GUCY2F: variants seen among roughly 807,000 people sequenced by gnomAD.
GUCY2F encodes guanylate cyclase 2F, retinal, also known as retinal guanylyl cyclase 2.
GUCY2F carries 61 observed loss-of-function variants against 73.1 expected under a neutral mutation model. The ratio of observed to expected loss-of-function variants is 0.83; its 90% confidence interval spans 0.68 to 1.03. GUCY2F has a LOEUF of 1.03. Among genes scored for constraint, GUCY2F ranks in the 50% least tolerant of loss-of-function variants. The pLI, the probability that GUCY2F is intolerant of heterozygous loss-of-function variation, is 0.00. For missense variants in GUCY2F, 912 were observed against 854.3 expected (o/e 1.07, Z -0.84); for synonymous variants, 331 against 307.8 (o/e 1.08, Z -0.79).
intron 13 of GUCY2F, among the ~76,000 whole-genome samples, chrX:109,392,482 G>A (rs1930590216): frequency 8.9e-6 from 1 of 111,783 alleles, no homozygotes; most frequent in African/African-American, 3.3e-5. Context: ...AATAAGTAAG[G>A]TGCCCTGGAA....
At chrX:109,437,458 C>G (rs1931777642) in intron 7 of GUCY2F, among the ~76,000 whole-genome samples, 1 of 112,421 alleles carries the variant, frequency 8.9e-6, no homozygotes, top group South Asian at 3.7e-4. Context: ...TTTTCCCCTT[C>G]TCAATTCTAC....
At chrX:109,446,989 A>C (rs1005718617) in intron 6 of GUCY2F, among the ~76,000 whole-genome samples, 6 of 112,607 alleles carry the variant, frequency 5.3e-5, no homozygotes, top group African/African-American at 1.9e-4. Context: ...ACTTCTCAAA[A>C]GAAGACATTT....
At chrX:109,468,068 T>C (rs751326958) in intron 2 of GUCY2F, among the ~76,000 whole-genome samples, 2 of 111,519 alleles carry the variant, frequency 1.8e-5, no homozygotes, top group Admixed American at 1.9e-4. Context: ...GCACTGCAGT[T>C]CAGTTCTCTC....
intron 19 of GUCY2F, among the ~76,000 whole-genome samples, chrX:109,373,900 C>A (rs1359342577): frequency 9.0e-6 from 1 of 111,585 alleles, no homozygotes; most frequent in African/African-American, 3.3e-5. Flanking sequence ...ACGTGTAGGG[C>A]CCTGCTTCAG....
At chrX:109,463,842 G>A (rs1932413859) in intron 3 of GUCY2F, among the ~76,000 whole-genome samples, 1 of 111,624 alleles carries the variant, frequency 9.0e-6, no homozygotes, top group Admixed American at 9.5e-5. Context: ...AGCCACCTTG[G>A]GACCATAAGA....
intron 6 of GUCY2F, among the ~76,000 whole-genome samples, chrX:109,443,437 G>T (rs1389625683): frequency 9.0e-6 from 1 of 111,065 alleles, no homozygotes; most frequent in Admixed American, 9.6e-5. Flanking sequence ...GGTAAAAAGT[G>T]ATGACTTTTT....
chrX:109,452,346 T>A (rs1005159856), intron 4 of GUCY2F, among the ~76,000 whole-genome samples: 3 of 112,178 alleles, frequency 2.7e-5, no homozygotes, highest in African/African-American at 9.7e-5. Context: ...TCACATGAAT[T>A]AAGGCTGACC....
intron 8 of GUCY2F, among the ~76,000 whole-genome samples, chrX:109,411,405 C>G (rs1231397228): frequency 9.0e-6 from 1 of 111,413 alleles, no homozygotes; most frequent in Non-Finnish European, 1.9e-5. Flanking sequence ...AGGTAAGATT[C>G]ATGGTATAAC....
At chrX:109,460,242 C>T (rs1255941247) in intron 3 of GUCY2F, among the ~76,000 whole-genome samples, 1 of 111,729 alleles carries the variant, frequency 9.0e-6, no homozygotes, top group Non-Finnish European at 1.9e-5. Context: ...AAGAAAATTT[C>T]TCAGAAGGAA....
At chrX:109,480,948 G>A (rs1479480978) in intron 1 of GUCY2F, among the ~76,000 whole-genome samples, 1 of 100,833 alleles carries the variant, frequency 9.9e-6, no homozygotes, top group Non-Finnish European at 2.0e-5. Flanking sequence ...GAAGAGAGAA[G>A]GAAGGAAAAG....
rs1409693372 is a variant in GUCY2F at position 109,453,797 on chromosome X, A to G, written c.1095T>C (p.Asn365=). The stretch of plus-strand genomic sequence containing the variant: ...CAGCCTGTCCATTTTCTTTCATAGC[A>G]TTATTCATGGCTTGTGCGATAAAGT... The part of the protein sequence containing the change: ...SIYFIAQAMN[N]AMKENGQAGA... The change falls in exon 4 of 20, where the codon AAT becomes AAC. Residue 365 remains asparagine, a synonymous_variant. Coordinates refer to ENST00000218006, the MANE Select transcript of GUCY2F (RefSeq NM_001522.3). 4.1e-6 allele frequency: 5 copies of G among 1,205,508 alleles called. No homozygotes were observed. The East Asian group carries it at 1.5e-4, about 36-fold the overall frequency.
At chrX:109,445,862 T>C (rs1931993294) in intron 6 of GUCY2F, among the ~76,000 whole-genome samples, 1 of 111,811 alleles carries the variant, frequency 8.9e-6, no homozygotes, top group Non-Finnish European at 1.9e-5. Flanking sequence ...CATGATTGTA[T>C]ATTTAGAAAA....
At chrX:109,436,812 C>A in intron 7 of GUCY2F, among the ~76,000 whole-genome samples, 1 of 109,204 alleles carries the variant, frequency 9.2e-6, no homozygotes. Context: ...GGAGGGATAG[C>A]ATTAGGAGAT....
At chrX:109,448,468 C>T (rs1173475388) in intron 5 of GUCY2F, among the ~76,000 whole-genome samples, 1 of 112,348 alleles carries the variant, frequency 8.9e-6, no homozygotes, top group Admixed American at 9.4e-5. Flanking sequence ...GGTGATCCCA[C>T]ATCAAGGACA....
At chrX:109,403,876 G>A (rs898138741) in intron 10 of GUCY2F, among the ~76,000 whole-genome samples, 2 of 112,492 alleles carry the variant, frequency 1.8e-5, no homozygotes, top group African/African-American at 3.2e-5. Context: ...AAACCACAGA[G>A]CATTTATTTG....
chrX:109,395,427 C>A lies in GUCY2F; in HGVS notation c.2338G>T (p.Ala780Ser). ...ATCAGCTGGAGACATTCTGGAGGGGCATGCTCAGGAGGAACTACTGGTCTG... is the reference window on the plus strand; with the variant it reads ...ATCAGCTGGAGACATTCTGGAGGGGAATGCTCAGGAGGAACTACTGGTCTG... ...VYRPVVPPEH[A>S]PPECLQLMKQ... The change falls in exon 12 of 20, where the codon GCC becomes TCC. Residue 780 changes from alanine to serine, a missense_variant. Ala to Ser is a moderately conservative substitution (Grantham distance 99). Transcript: ENST00000218006. 1 of 1,197,732 alleles carries A rather than the reference C, an allele frequency of 8.3e-7. No homozygotes were observed. Among genetic ancestry groups the A allele is most frequent in the Non-Finnish European group, 1.1e-6 (1 of 882,663 alleles).
rs145757579 is a variant in GUCY2F at position 109,386,408 on chromosome X, T to C, written c.2957-1126A>G. 3.5e-3 allele frequency among the ~76,000 whole-genome samples: 389 copies of C among 111,083 alleles called. 3 individuals are homozygous for C. Among genetic ancestry groups the C allele is most frequent in the African/African-American group, 0.012 (379 of 30,549 alleles). ...GGATTTGAACAGTGGAAAAGGGACA[T>C]AAATCAAAGGCTTGTGGTTGGGATT... On this transcript the variant is annotated intron_variant, in intron 15 of 19. Transcript: ENST00000218006.
In GUCY2F at chrX:109,386,617, AG is replaced by A. The variant is rs760665301; in HGVS notation, c.2957-1336del. On this transcript the variant is annotated intron_variant, in intron 15 of 19. Transcript: ENST00000218006. Reference sequence around the variant, plus strand: ...AGATCAGTGTATAAAATGCATTGAAAGGGGAAAATGTAAAACCAGGAAAACC... The same window carrying A: ...AGATCAGTGTATAAAATGCATTGAAAGGGAAAATGTAAAACCAGGAAAACC... 8.0e-5 allele frequency among the ~76,000 whole-genome samples: 9 copies of A among 111,934 alleles called. No homozygotes were observed. In the East Asian group the frequency reaches 2.5e-3, roughly 31 times the overall value.
intron 10 of GUCY2F, among the ~76,000 whole-genome samples, chrX:109,399,258 C>T (rs956018696): frequency 8.0e-5 from 9 of 112,760 alleles, no homozygotes; most frequent in Non-Finnish European, 1.5e-4. Flanking sequence ...ATGTACCATG[C>T]CCTGTGCTAG....
Sources: gnomAD v4.1 joint callset for allele counts (sites outside exome capture counted in the v4.1 genomes callset) on GRCh38, gnomAD v4.1.1 for gene constraint, MANE v1.5 for transcripts, NCBI Gene and HGNC (gene_info 2026-07-23, HGNC 2026-07-21) for gene names.